MYO7B: variants seen among roughly 807,000 people sequenced by gnomAD.
MYO7B encodes myosin VIIB.
Under a neutral mutation model 259.7 loss-of-function variants are expected in MYO7B, and 212 were observed. That is an observed-to-expected ratio of 0.82 (90% CI 0.73 to 0.91). MYO7B has a LOEUF of 0.91. MYO7B is among the 40% of genes least tolerant of loss of function. MYO7B has a pLI of 0.00. For synonymous variants in MYO7B, 1,197 were observed against 1,166.4 expected, an observed-to-expected ratio of 1.03 and a Z score of -0.54; for missense variants, 2,732 against 2,813.5, an observed-to-expected ratio of 0.97 and a Z score of 0.66.
intron 47 of MYO7B, 133 bp from the exon 48 acceptor site, chr2:127,637,183 T>A (rs2255039): frequency 2.7e-5 from 24 of 894,828 alleles, no homozygotes; most frequent in South Asian, 2.3e-4. Flanking sequence ...ACGGCCCCAA[T>A]GGCAGGAGCC....
In MYO7B at chr2:127,543,643, G is replaced by A. The variant is rs114939163; in HGVS notation, c.-24+7812G>A. On this transcript the variant is annotated intron_variant, in intron 1 of 47. Coordinates refer to ENST00000409816, the MANE Select transcript of MYO7B (RefSeq NM_001393586.1). Reference sequence around the variant, plus strand: ...CCACCCCAATAAATTACAGTTAACAGTTCAATATAATTACCTCCCCAGAGT... The same window carrying A: ...CCACCCCAATAAATTACAGTTAACAATTCAATATAATTACCTCCCCAGAGT... 3.8e-3 allele frequency among the ~76,000 whole-genome samples: 578 copies of A among 151,846 alleles called. 4 individuals are homozygous for A. Among genetic ancestry groups the A allele is most frequent in the African/African-American group, 0.013 (544 of 41,394 alleles).
intron 6 of MYO7B, 56 bp downstream of exon 6, chr2:127,569,966 C>T (rs1678525089): frequency 1.3e-6 from 2 of 1,553,762 alleles, no homozygotes; most frequent in East Asian, 4.6e-5. Flanking sequence ...AGCCTTCCTG[C>T]CAGGTAGGAC....
intron 1 of MYO7B, among the ~76,000 whole-genome samples, chr2:127,542,950 GTC>G (rs1693063267): frequency 6.6e-6 from 1 of 152,228 alleles, no homozygotes; most frequent in Non-Finnish European, 1.5e-5. Context: ...CTGCTAGCAT[GTC>G]TCACCTCCAG....
Position 127,636,231 on chromosome 2 carries a change from G to C in MYO7B, c.6030G>C (p.Lys2010Asn). Reference sequence around the variant, plus strand: ...AGAGCATCCTTCTAGCCTATGACAAGCATAAGGACAAGACAGTGGAGGAGG... The same window carrying C: ...AGAGCATCCTTCTAGCCTATGACAACCATAAGGACAAGACAGTGGAGGAGG... Reference protein sequence around the residue: ...WKKSILLAYDKHKDKTVEEAK... With the variant: ...WKKSILLAYDNHKDKTVEEAK... Residue 2010 changes from lysine to asparagine, a missense_variant, in exon 45 of 48, where the codon AAG becomes AAC. Physicochemically the swap from Lys to Asn is moderately conservative, Grantham distance 94. Transcript: ENST00000409816. This position sits in a 1 kb window ranked among gnomAD's most constrained non-coding sequence, Gnocchi z 4.5. 4 of 1,613,434 alleles carry C rather than the reference G, an allele frequency of 2.5e-6. No homozygotes were observed. The highest frequency in any genetic ancestry group is 3.4e-6 in the Non-Finnish European group (4 of 1,179,674).
At chr2:127,618,493 A>C (rs1013029577) in intron 26 of MYO7B, among the ~76,000 whole-genome samples, 21 of 152,336 alleles carry the variant, frequency 1.4e-4, no homozygotes, top group Admixed American at 3.3e-4. Context: ...TGCCCTGTAG[A>C]TAATCACAAG....
intron 16 of MYO7B, among the ~76,000 whole-genome samples, chr2:127,592,403 A>G (rs1450670522): frequency 6.6e-6 from 1 of 152,208 alleles, no homozygotes; most frequent in Non-Finnish European, 1.5e-5. Context: ...TCAAAAAAAT[A>G]AATAAATAAA....
intron 15 of MYO7B, among the ~76,000 whole-genome samples, chr2:127,589,451 A>G (rs1368779516): frequency 2.0e-5 from 3 of 148,850 alleles, no homozygotes; most frequent in Admixed American, 6.7e-5. Context: ...GGGGGTCCAG[A>G]GTTTAGATAG....
chr2:127,605,819 T>C, intron 19 of MYO7B, 25 bp from the exon 20 acceptor site: 1 of 1,608,166 alleles, frequency 6.2e-7, no homozygotes, highest in Non-Finnish European at 8.5e-7. Flanking sequence ...TTGTTACATG[T>C]GTGTGGCTTG....
chr2:127,633,279 C>A lies in MYO7B; in HGVS notation c.5427C>A (p.Pro1809=). 6.2e-7 allele frequency: 1 copy of A among 1,612,108 alleles called. No individual in the cohort carries two copies. The highest frequency in any genetic ancestry group is 8.5e-7 in the Non-Finnish European group (1 of 1,179,612). The change falls in exon 40 of 48, where the codon CCC becomes CCA. Residue 1809 remains proline, a synonymous_variant. Coordinates refer to ENST00000409816, the MANE Select transcript of MYO7B (RefSeq NM_001393586.1). ...TCAGGACGGGGCCCCGGAAGCAGCC[C>A]CCGCACCAGGTGGAGGTGGAGGCCG... ...KVLRTGPRKQ[P]PHQVEVEAAE... is the part of the protein sequence containing the mutation.
Position 127,596,517 on chromosome 2 carries a change from C to T in MYO7B, c.2300C>T (p.Ala767Val), listed in dbSNP as rs773945125. 5.6e-5 allele frequency: 91 copies of T among 1,613,458 alleles called. 1 individual carries two copies. Among genetic ancestry groups the T allele is most frequent in the East Asian group, 4.5e-4 (20 of 44,882 alleles). Residue 767 changes from alanine (A) to valine (V), a missense_variant, in exon 19 of 48, where the codon GCG becomes GTG. Ala to Val is a moderately conservative substitution (Grantham distance 64). Coordinates refer to ENST00000409816, the MANE Select transcript of MYO7B (RefSeq NM_001393586.1). ...AGAAGCCAGGTGCTAGACAGAGCGG[C>T]GCTCAGCATCCAGAAAGTCCTTCGG... ...VQRSQVLDRA[A>V]LSIQKVLRGY...
chr2:127,546,126 C>T lies in MYO7B; in HGVS notation c.-24+10295C>T, dbSNP rs1409772734. ...AAGTCTTACTCATCCCTCACCCAGC[C>T]CCAGATGCCCTTTCTGCCCAAAGAA... is the stretch of plus-strand genomic sequence containing the variant. On this transcript the variant is annotated intron_variant, in intron 1 of 47. Transcript: ENST00000409816. The surrounding 1 kb of genome is among the most constrained non-coding windows in gnomAD (Gnocchi z 4.2). Among the ~76,000 whole-genome samples the T allele has an allele frequency of 2.0e-5, 3 of 152,214 alleles. No individual in the cohort carries two copies. The highest frequency in any genetic ancestry group is 6.5e-5 in the Admixed American group (1 of 15,274).
In MYO7B at chr2:127,611,866, T is replaced by C. The variant is rs1245070109; in HGVS notation, c.3193-384T>C. Among the ~76,000 whole-genome samples, 1 of 152,176 alleles carries C rather than the reference T, an allele frequency of 6.6e-6. No homozygotes were observed. The highest frequency in any genetic ancestry group is 1.5e-5 in the Non-Finnish European group (1 of 68,034). ...CTTCATCTGCTATCTTTACTGAGAA[T>C]GACCATGGCCTGGGGCTGTCCTAAG... On this transcript the variant is annotated intron_variant, in intron 24 of 47. Coordinates refer to ENST00000409816, the MANE Select transcript of MYO7B (RefSeq NM_001393586.1). The surrounding 1 kb of genome is among the most constrained non-coding windows in gnomAD (Gnocchi z 5.4).
intron 34 of MYO7B, among the ~76,000 whole-genome samples, chr2:127,629,166 T>C (rs568724588): frequency 6.6e-6 from 1 of 152,154 alleles, no homozygotes; most frequent in Non-Finnish European, 1.5e-5. Context: ...GAAGAGGCTG[T>C]GTGTGGGGTC....
intron 24 of MYO7B, among the ~76,000 whole-genome samples, 152 bp downstream of exon 24, chr2:127,610,168 G>A (rs977162981): frequency 2.0e-5 from 3 of 152,222 alleles, no homozygotes; most frequent in African/African-American, 7.2e-5. Context: ...AGGCCATGGT[G>A]CAGGCACTTT....
intron 1 of MYO7B, among the ~76,000 whole-genome samples, chr2:127,536,484 GAAGAGGTGGCTGA>G (rs1692784877): frequency 7.0e-6 from 1 of 142,984 alleles, no homozygotes; most frequent in African/African-American, 2.6e-5. Context: ...GGGGGTGGGG[GAAGAGGTGGCTGA>G]GGAGAGGGAC....
At chr2:127,569,339 T>C (rs879519529) in intron 5 of MYO7B, among the ~76,000 whole-genome samples, 3 of 152,188 alleles carry the variant, frequency 2.0e-5, no homozygotes, top group Admixed American at 6.5e-5. Context: ...GGAGTCTGTT[T>C]TGCAAACTCC....
chr2:127,582,057 G>C, intron 11 of MYO7B, 47 bp downstream of exon 11: 1 of 1,611,126 alleles, frequency 6.2e-7, no homozygotes. Flanking sequence ...TGTTGACCAC[G>C]GCTCTGCTTC....
chr2:127,542,906 C>T (rs894214465), intron 1 of MYO7B, among the ~76,000 whole-genome samples: 2 of 152,222 alleles, frequency 1.3e-5, no homozygotes, highest in African/African-American at 4.8e-5. Context: ...TGTGCACATA[C>T]ACAAACATCT....
At chr2:127,635,059 G>GCGCAGTGTGGGAGGTGGCAGGCGCAGTGT in intron 42 of MYO7B, 61 bp from the exon 43 acceptor site, 1 of 1,389,248 alleles carries the variant, frequency 7.2e-7, no homozygotes, top group Non-Finnish European at 1.0e-6. Context: ...GGGGTGGCAG[G>GCGCAGTGTGGGAGGTGGCAGGCGCAGTGT]GGGTCAGGGC....
Sources: gnomAD v4.1 joint callset for allele counts (sites outside exome capture counted in the v4.1 genomes callset) on GRCh38, gnomAD v4.1.1 for gene constraint, Gnocchi (gnomAD v3.1) non-coding constraint, MANE v1.5 for transcripts, NCBI Gene and HGNC (gene_info 2026-07-23, HGNC 2026-07-21) for gene names.